Variants in TLL2 observed in about 807,000 individuals in gnomAD.
TLL2 encodes tolloid like 2.
TLL2 carries 106 observed loss-of-function variants against 123.0 expected under a neutral mutation model. That is an observed-to-expected ratio of 0.86 (90% confidence interval 0.74 to 1.01). The LOEUF is 1.01. TLL2 is among the 50% of genes least tolerant of loss of function. The probability of loss-of-function intolerance (pLI) is 0.00; values close to 1 mark genes in which losing one functional copy is unlikely to be tolerated. For synonymous variants in TLL2, 494 were observed against 516.8 expected, an observed-to-expected ratio of 0.96 and a Z score of 0.60; for missense variants, 1,332 against 1,336.7, an observed-to-expected ratio of 1.00 and a Z score of 0.06.
intron 5 of TLL2, among the ~76,000 whole-genome samples, chr10:96,426,299 C>T (rs1208662055): frequency 1.3e-5 from 2 of 152,254 alleles, no homozygotes; most frequent in South Asian, 2.1e-4. Flanking sequence ...TTTTGCATGG[C>T]TATTCACATG....
At chr10:96,373,926 C>CTA in intron 18 of TLL2, 117 bp from the exon 19 acceptor site, 2 of 837,392 alleles carry the variant, frequency 2.4e-6, no homozygotes, top group Non-Finnish European at 3.8e-6. Flanking sequence ...GTCCAGCTGG[C>CTA]TGTGCAGGGG....
At position 96,384,652 on chromosome 10, in the gene TLL2, A is replaced by G. The variant is rs144227913; in HGVS notation, c.2129T>C (p.Met710Thr). 1.5e-4 allele frequency: 249 copies of G among 1,612,654 alleles called. 1 individual carries two copies. The African/African-American group carries it at 3.0e-3, about 20-fold the overall frequency. ...PEVITSQSNN[M>T]RVEFKSDNTV... ...GTTGTCGGACTTGAACTCCACGCGC[A>G]TGTTGTTGCTCTGCGAGGTGATGAC... The change falls in exon 16 of 21, where the codon ATG (methionine) becomes ACG (threonine). Residue 710 changes from methionine (M) to threonine (T), a missense_variant. By Grantham distance (81) the Met-to-Thr change is moderately conservative. Coordinates refer to ENST00000357947, the MANE Select transcript of TLL2 (RefSeq NM_012465.4).
intron 19 of TLL2, among the ~76,000 whole-genome samples, chr10:96,371,048 G>A (rs1034333634): frequency 8.5e-5 from 13 of 152,196 alleles, no homozygotes; most frequent in Non-Finnish European, 1.5e-4. Flanking sequence ...TTGGCCGGGC[G>A]CAGTGGCTCA....
intron 2 of TLL2, among the ~76,000 whole-genome samples, chr10:96,468,402 C>T (rs1316077656): frequency 6.6e-6 from 1 of 152,126 alleles, no homozygotes; most frequent in Non-Finnish European, 1.5e-5. Flanking sequence ...GGAGACAAAA[C>T]AAAAATGAGA....
At chr10:96,426,619 C>G (rs1199195433) in intron 5 of TLL2, among the ~76,000 whole-genome samples, 3 of 152,102 alleles carry the variant, frequency 2.0e-5, no homozygotes, top group Non-Finnish European at 4.4e-5. Flanking sequence ...TTATTTTTAC[C>G]TTGAAGACTT....
chr10:96,513,535 G>C lies in TLL2; in HGVS notation c.151C>G (p.His51Asp). Residue 51 changes from histidine (H) to aspartate (D), a missense_variant, in exon 1 of 21, where the codon CAT becomes GAT. Physicochemically the swap from His to Asp is moderately conservative, Grantham distance 81 (BLOSUM62 -1). Coordinates refer to ENST00000357947, the MANE Select transcript of TLL2 (RefSeq NM_012465.4). The stretch of plus-strand genomic sequence containing the variant: ...CCGGCTTTGCAAGGGTCGTGGTAAT[G>C]CTCCAGCTGCTGCTCCGTGCCCTCC... ...GEEGTEQQLEHYHDPCKAAVF... is the reference protein window; with the variant it reads ...GEEGTEQQLEDYHDPCKAAVF... 1 of 1,612,520 alleles carries C rather than the reference G, an allele frequency of 6.2e-7. No homozygotes were observed. Among genetic ancestry groups the C allele is most frequent in the Non-Finnish European group, 8.5e-7 (1 of 1,179,776 alleles).
chr10:96,413,183 C>A lies in TLL2; in HGVS notation c.1048+9G>T. ...GGAGGTGCTGGCAGTCCCCACGGCT[C>A]ATAGTTACCTGGGCATTTGTACAGC... On this transcript the variant is annotated intron_variant, in intron 8 of 20. Coordinates refer to ENST00000357947, the MANE Select transcript of TLL2 (RefSeq NM_012465.4). 6.2e-7 allele frequency: 1 copy of A among 1,613,892 alleles called. No homozygotes were observed. Among genetic ancestry groups the A allele is most frequent in the South Asian group, 1.1e-5 (1 of 91,058 alleles).
chr10:96,507,662 A>G (rs1847590288), intron 1 of TLL2, among the ~76,000 whole-genome samples: 1 of 152,140 alleles, frequency 6.6e-6, no homozygotes, highest in Non-Finnish European at 1.5e-5. Context: ...TGAAAAGTGG[A>G]TATTACTAGT....
At chr10:96,382,135 G>A (rs549166023) in intron 16 of TLL2, among the ~76,000 whole-genome samples, 1 of 152,186 alleles carries the variant, frequency 6.6e-6, no homozygotes, top group Non-Finnish European at 1.5e-5. Context: ...TGGCTCAAGC[G>A]ATTCTCCTGC....
At position 96,370,268 on chromosome 10, in the gene TLL2, AAT is replaced by A; in HGVS notation, c.2708_2709del (p.Tyr903PhefsTer17). 1 of 1,609,430 alleles carries A rather than the reference AAT, an allele frequency of 6.2e-7. No individual in the cohort carries two copies. On this transcript the variant is annotated frameshift_variant, in exon 20 of 21. Transcript: ENST00000357947. LOFTEE classifies it high-confidence loss of function. Reference protein sequence around the residue: ...LKAEVQTKELYSHAQFGDNNY... With the variant: ...LKAEVQTKELXSHAQFGDNNY... ...TTGTTGTCCCCAAACTGGGCGTGGG[AAT>A]AGAGCTCTTTGGTCTGCACTTCAGC...
chr10:96,435,173 A>G (rs1846784317), intron 3 of TLL2, among the ~76,000 whole-genome samples: 1 of 151,740 alleles, frequency 6.6e-6, no homozygotes, highest in Admixed American at 6.6e-5. Flanking sequence ...CTGGGACTAC[A>G]GGTGCCCACC....
At chr10:96,421,152 T>G in intron 6 of TLL2, 91 bp from the exon 7 acceptor site, 1 of 888,178 alleles carries the variant, frequency 1.1e-6, no homozygotes, top group South Asian at 1.4e-5. Flanking sequence ...CATAACAACT[T>G]CCCAGGGCTC....
chr10:96,428,542 T>C (rs1846701229), intron 5 of TLL2, 89 bp downstream of exon 5: 2 of 844,184 alleles, frequency 2.4e-6, no homozygotes, highest in East Asian at 2.6e-5. Flanking sequence ...TAACAGCTCA[T>C]TGGAAATACT....
intron 13 of TLL2, among the ~76,000 whole-genome samples, chr10:96,394,428 G>A (rs1159941476): frequency 6.6e-6 from 1 of 152,198 alleles, no homozygotes; most frequent in Non-Finnish European, 1.5e-5. Flanking sequence ...AGGAGGGTTG[G>A]AAGCTGGCTC....
chr10:96,387,081 G>C lies in TLL2; in HGVS notation c.1727-3C>G. The C allele has an allele frequency of 6.2e-7, 1 of 1,612,212 alleles. No homozygotes were observed. Among genetic ancestry groups the C allele is most frequent in the Non-Finnish European group, 8.5e-7 (1 of 1,178,530 alleles). On this transcript the variant is annotated splice_region_variant and splice_polypyrimidine_tract_variant and intron_variant, in intron 13 of 20. Coordinates refer to ENST00000357947, the MANE Select transcript of TLL2 (RefSeq NM_012465.4). Reference sequence around the variant, plus strand: ...TGGCCAGGAACACTCATCCACCTCTGGTGGGGAAGGAAGGTGACCCCGGTT... The same window carrying C: ...TGGCCAGGAACACTCATCCACCTCTCGTGGGGAAGGAAGGTGACCCCGGTT...
intron 9 of TLL2, among the ~76,000 whole-genome samples, chr10:96,405,718 T>G (rs892356559): frequency 2.0e-5 from 3 of 152,206 alleles, no homozygotes; most frequent in African/African-American, 7.2e-5. Flanking sequence ...ACATCATCAA[T>G]CATTCCAAAG....
At position 96,368,353 on chromosome 10, in the gene TLL2, A is replaced by G. The variant is rs113873521; in HGVS notation, c.2914-131T>C. ...GTACCAGAGACTCTGAAGGGCATCC[A>G]AACAAGCTCCTTTTCAAAAGAAAAC... On this transcript the variant is annotated intron_variant, in intron 20 of 20. Transcript: ENST00000357947. 5.7e-4 allele frequency: 605 copies of G among 1,052,620 alleles called. 6 individuals carry two copies. In the African/African-American group the frequency reaches 8.5e-3, roughly 15 times the overall value. 65.2% of individuals were successfully genotyped at this position (1,052,620 alleles called of 1,614,324 possible). A position where few individuals can be genotyped will look rare whatever the true frequency, so the allele number is the denominator to read the frequency against.
At chr10:96,411,157 C>T (rs570538784) in intron 8 of TLL2, among the ~76,000 whole-genome samples, 34 of 149,204 alleles carry the variant, frequency 2.3e-4, no homozygotes, top group Non-Finnish European at 4.3e-4. Flanking sequence ...GCAGAAGAAT[C>T]GCTTGAGCCT....
At chr10:96,416,162 C>T (rs1846558826) in intron 7 of TLL2, among the ~76,000 whole-genome samples, 1 of 152,174 alleles carries the variant, frequency 6.6e-6, no homozygotes, top group South Asian at 2.1e-4. Context: ...AAAACAGGCA[C>T]TTCTGCCCTA....
Sources: gnomAD v4.1 joint callset for allele counts (sites outside exome capture counted in the v4.1 genomes callset) on GRCh38, gnomAD v4.1.1 for gene constraint, MANE v1.5 for transcripts, NCBI Gene and HGNC (gene_info 2026-07-23, HGNC 2026-07-21) for gene names.